Variants in CPLX2 observed in about 807,000 individuals in gnomAD.
CPLX2 encodes the protein complexin 2, also known as complexin-2.
Under a neutral mutation model 16.3 loss-of-function variants are expected in CPLX2, and 5 were observed. The observed-to-expected ratio is 0.31, with a 90% CI of 0.16 to 0.64. The LOEUF is 0.64. Ranked by LOEUF, CPLX2 falls within the 30% of genes least tolerant of loss-of-function variation. The pLI, the probability that CPLX2 is intolerant of heterozygous loss-of-function variation, is 0.79. For missense variants in CPLX2, 144 were observed against 181.4 expected, an observed-to-expected ratio of 0.79 and a Z score of 1.18; for synonymous variants, 89 against 73.2, an observed-to-expected ratio of 1.22 and a Z score of -1.10.
At chr5:175,820,968 G>A (rs893232116) in intron 2 of CPLX2, among the ~76,000 whole-genome samples, 12 of 152,178 alleles carry the variant, frequency 7.9e-5, no homozygotes, top group Non-Finnish European at 1.6e-4. Context: ...GCCTGCTGCT[G>A]GGGATGGTGC....
intron 2 of CPLX2, among the ~76,000 whole-genome samples, chr5:175,866,106 C>T (rs1490483333): frequency 2.6e-5 from 4 of 152,192 alleles, no homozygotes; most frequent in Admixed American, 6.5e-5. Flanking sequence ...AGGGACCAAG[C>T]GTCCTGAGGG....
chr5:175,816,061 G>T (rs1758400673), intron 2 of CPLX2, among the ~76,000 whole-genome samples: 1 of 152,208 alleles, frequency 6.6e-6, no homozygotes, highest in Non-Finnish European at 1.5e-5. Context: ...GATGTCTTCT[G>T]TGGAGCCAGC....
chr5:175,871,756 G>T (rs1384544710), intron 1 of CPLX2, 51 bp downstream of exon 1: 2 of 152,478 alleles, frequency 1.3e-5, no homozygotes, highest in Non-Finnish European at 2.9e-5. Context: ...TGGGCAACAG[G>T]GTCCCGGCTC....
At chr5:175,852,736 A>G (rs926090155) in intron 2 of CPLX2, among the ~76,000 whole-genome samples, 10 of 152,208 alleles carry the variant, frequency 6.6e-5, no homozygotes, top group African/African-American at 2.4e-4. Flanking sequence ...CTGGTACTGG[A>G]AGAGCTGAGG....
intron 2 of CPLX2, among the ~76,000 whole-genome samples, chr5:175,847,865 G>GT (rs1425018020): frequency 3.3e-5 from 5 of 152,214 alleles, no homozygotes; most frequent in Non-Finnish European, 5.9e-5. Context: ...ATGTCTGTCA[G>GT]TCCCCCCGTG....
At chr5:175,822,250 G>A (rs559322084) in intron 2 of CPLX2, among the ~76,000 whole-genome samples, 6 of 151,554 alleles carry the variant, frequency 4.0e-5, no homozygotes, top group Non-Finnish European at 7.4e-5. Context: ...CCTCAATTTC[G>A]TTTTCCTTCC....
At chr5:175,839,284 G>GT (rs1438011917) in intron 2 of CPLX2, among the ~76,000 whole-genome samples, 379 of 151,856 alleles carry the variant, frequency 2.5e-3, no homozygotes, top group African/African-American at 9.0e-3. Flanking sequence ...TGTTTTGTTT[G>GT]TTTGTTTGTT....
At chr5:175,825,617 G>T (rs1223891919) in intron 2 of CPLX2, among the ~76,000 whole-genome samples, 1 of 152,074 alleles carries the variant, frequency 6.6e-6, no homozygotes, top group Non-Finnish European at 1.5e-5. Flanking sequence ...TTTTCCTCTG[G>T]TCCAGTAATT....
At chr5:175,847,472 C>T (rs1282098032) in intron 2 of CPLX2, among the ~76,000 whole-genome samples, 9 of 152,210 alleles carry the variant, frequency 5.9e-5, no homozygotes, top group African/African-American at 1.4e-4. Flanking sequence ...TCACAGCATG[C>T]GTGGCCCACT....
At chr5:175,826,075 C>T (rs1044537388) in intron 2 of CPLX2, among the ~76,000 whole-genome samples, 4 of 150,914 alleles carry the variant, frequency 2.7e-5, no homozygotes, top group African/African-American at 9.8e-5. Context: ...GGGCTTGGTG[C>T]AGACAGGGTG....
In CPLX2 at chr5:175,835,676, G is replaced by C. The variant is rs140988459; in HGVS notation, c.-89+26608G>C. Among the ~76,000 whole-genome samples the C allele has an allele frequency of 4.7e-5, 7 of 148,138 alleles. No individual in the cohort carries two copies. The East Asian group carries it at 1.4e-3, about 30-fold the overall frequency. ...TCAAATTATTTATTTAAGTGAGTTA[G>C]TAAGAGAAGTCTTTGTTGTAAGTGG... is the stretch of plus-strand genomic sequence containing the variant. On this transcript the variant is annotated intron_variant, in intron 2 of 4. Coordinates refer to the CPLX2 transcript ENST00000359546.
chr5:175,834,955 C>T (rs1333014537), intron 2 of CPLX2, among the ~76,000 whole-genome samples: 2 of 152,242 alleles, frequency 1.3e-5, no homozygotes, highest in South Asian at 2.1e-4. Flanking sequence ...AGGACAGGGT[C>T]GGGGAAGAGT....
chr5:175,836,263 T>A lies in CPLX2; in HGVS notation c.-89+27195T>A, dbSNP rs548504272. On this transcript the variant is annotated intron_variant, in intron 2 of 4. Coordinates refer to the CPLX2 transcript ENST00000359546. Reference sequence around the variant, plus strand: ...TACTTGGGAGGCTGAGGCAGGAGAATGGCATGAACCCGGGAGGCGGAGCTT... The same window carrying A: ...TACTTGGGAGGCTGAGGCAGGAGAAAGGCATGAACCCGGGAGGCGGAGCTT... 5.5e-3 allele frequency among the ~76,000 whole-genome samples: 842 copies of A among 152,104 alleles called. 6 individuals are homozygous for A. The highest frequency in any genetic ancestry group is 0.014 in the Middle Eastern group (4 of 294).
At chr5:175,857,471 G>A (rs1759281056) in intron 2 of CPLX2, among the ~76,000 whole-genome samples, 1 of 152,174 alleles carries the variant, frequency 6.6e-6, no homozygotes. Context: ...AGGTGAAAAT[G>A]CATTTAATAC....
intron 2 of CPLX2, among the ~76,000 whole-genome samples, chr5:175,822,182 CTTT>C (rs749868269): frequency 6.6e-6 from 1 of 152,164 alleles, no homozygotes; most frequent in Non-Finnish European, 1.5e-5. Context: ...TTCATCTGTA[CTTT>C]TTTTCTTCCC....
intron 1 of CPLX2, among the ~76,000 whole-genome samples, chr5:175,876,537 G>A (rs1289872662): frequency 6.6e-6 from 1 of 152,082 alleles, no homozygotes; most frequent in Non-Finnish European, 1.5e-5. Context: ...GAGGTTTGAG[G>A]GTACAGTGGG....
chr5:175,835,953 G>C (rs1758824809), intron 2 of CPLX2, among the ~76,000 whole-genome samples: 1 of 151,710 alleles, frequency 6.6e-6, no homozygotes, highest in African/African-American at 2.4e-5. Flanking sequence ...TGGCCGGGCT[G>C]GTCTCAAACT....
At chr5:175,835,189 G>A (rs1164780803) in intron 2 of CPLX2, among the ~76,000 whole-genome samples, 3 of 152,164 alleles carry the variant, frequency 2.0e-5, no homozygotes, top group Admixed American at 6.5e-5. Flanking sequence ...CATCACATAC[G>A]TTTAGATCAT....
At chr5:175,828,660 C>T (rs1024264724) in intron 2 of CPLX2, among the ~76,000 whole-genome samples, 1 of 152,090 alleles carries the variant, frequency 6.6e-6, no homozygotes, top group Non-Finnish European at 1.5e-5. Flanking sequence ...TTCTCTGTGG[C>T]CTTGGGTGAG....
Sources: allele counts gnomAD v4.1 joint callset (sites outside exome capture counted in the v4.1 genomes callset), GRCh38; gene constraint gnomAD v4.1.1; transcripts MANE v1.5; gene names NCBI Gene and HGNC (gene_info 2026-07-23, HGNC 2026-07-21).